The following JMJD1C variants were observed in gnomAD, a reference collection of about 807,000 sequenced individuals.
JMJD1C encodes jumonji domain-containing protein 1C.
In JMJD1C, 31 loss-of-function variants were observed where a neutral mutation model predicts 245.3. The observed-to-expected ratio is 0.13, with a 90% CI of 0.09 to 0.17. JMJD1C has a LOEUF of 0.17. JMJD1C is among the 10% of genes least tolerant of loss of function. The probability of loss-of-function intolerance (pLI) is 1.00; values close to 1 mark genes in which losing one functional copy is unlikely to be tolerated. For missense variants in JMJD1C, 2,691 were observed against 3,000.2 expected (o/e 0.90, Z 2.41); for synonymous variants, 1,057 against 1,017.4 (o/e 1.04, Z -0.74).
intron 3 of JMJD1C, among the ~76,000 whole-genome samples, chr10:63,252,172 G>T (rs1316799947): frequency 6.6e-6 from 1 of 152,146 alleles, no homozygotes; most frequent in Non-Finnish European, 1.5e-5. Context: ...TAAGTCAGAG[G>T]TACAGATTCC....
At chr10:63,508,397 T>C (rs1954783848) in intron 1 of JMJD1C, among the ~76,000 whole-genome samples, 1 of 152,216 alleles carries the variant, frequency 6.6e-6, no homozygotes, top group Non-Finnish European at 1.5e-5. Context: ...ACAGTAAGTC[T>C]TGAACTTGGG....
intron 1 of JMJD1C, among the ~76,000 whole-genome samples, chr10:63,421,161 C>T (rs1950105475): frequency 6.6e-6 from 1 of 151,966 alleles, no homozygotes; most frequent in Non-Finnish European, 1.5e-5. Flanking sequence ...ATGGTGAAAC[C>T]CCATCTCTAC....
chr10:63,220,564 A>G (rs917340858), intron 3 of JMJD1C, among the ~76,000 whole-genome samples: 7 of 152,192 alleles, frequency 4.6e-5, no homozygotes, highest in African/African-American at 1.7e-4. Flanking sequence ...TACATTATTG[A>G]TGGTATTACT....
chr10:63,474,455 T>C (rs974584239), intron 1 of JMJD1C, among the ~76,000 whole-genome samples: 2 of 150,228 alleles, frequency 1.3e-5, no homozygotes, highest in African/African-American at 4.9e-5. Context: ...TTTTTTTTTG[T>C]TTTTTTTTGA....
intron 24 of JMJD1C, among the ~76,000 whole-genome samples, chr10:63,173,101 G>A (rs1046950126): frequency 1.1e-4 from 16 of 151,906 alleles, no homozygotes; most frequent in Non-Finnish European, 4.4e-5. Context: ...GTGAGATACT[G>A]AATTTTCACC....
At chr10:63,254,057 C>A (rs933980312) in intron 3 of JMJD1C, among the ~76,000 whole-genome samples, 1 of 151,992 alleles carries the variant, frequency 6.6e-6, no homozygotes, top group Non-Finnish European at 1.5e-5. Context: ...AGTCTGAAGC[C>A]TAGAAAGACT....
chr10:63,465,272 A>G (rs964154703), intron 1 of JMJD1C: 134 of 519,842 alleles, frequency 2.6e-4, no homozygotes, highest in African/African-American at 2.4e-3. Flanking sequence ...CTCCGCGGCT[A>G]TCCCGGGAGT....
intron 2 of JMJD1C, among the ~76,000 whole-genome samples, chr10:63,283,610 A>C (rs1857648433): frequency 6.6e-6 from 1 of 151,834 alleles, no homozygotes; most frequent in African/African-American, 2.4e-5. Flanking sequence ...CAAGTGATGC[A>C]CCCACCTCGG....
intron 1 of JMJD1C, among the ~76,000 whole-genome samples, chr10:63,496,508 T>C (rs1954371859): frequency 6.6e-6 from 1 of 152,218 alleles, no homozygotes; most frequent in Non-Finnish European, 1.5e-5. Flanking sequence ...TCTGGTTTAT[T>C]TCTAAATATT....
chr10:63,374,527 AAG>A (rs1946566506), intron 2 of JMJD1C, among the ~76,000 whole-genome samples: 1 of 152,200 alleles, frequency 6.6e-6, no homozygotes, highest in Non-Finnish European at 1.5e-5. Flanking sequence ...ACAATTTGTG[AAG>A]AGTGTCAGGA....
In JMJD1C at chr10:63,465,813, C is replaced by G; in HGVS notation, c.-151G>C. ...GACTCGGGACGAACCGGCCGCTCTG[C>G]CCCGGACACAGCGACCTCGGGCCCT... is the stretch of plus-strand genomic sequence containing the variant. On this transcript the variant is annotated 5_prime_UTR_variant, in exon 1 of 26. Coordinates refer to ENST00000399262, the MANE Select transcript of JMJD1C (RefSeq NM_032776.3). 1.1e-6 allele frequency: 1 copy of G among 893,816 alleles called. No homozygotes were observed. The highest frequency in any genetic ancestry group is 1.8e-6 in the Non-Finnish European group (1 of 559,784). The allele number at this position is 893,816 out of a possible 1,614,324, so 55.4% of individuals were successfully genotyped here.
At chr10:63,414,076 T>G (rs951343427) in intron 1 of JMJD1C, among the ~76,000 whole-genome samples, 36 of 147,460 alleles carry the variant, frequency 2.4e-4, no homozygotes, top group Non-Finnish European at 3.0e-5. Flanking sequence ...AAGCCCCACC[T>G]CCTGGGTTCA....
chr10:63,344,279 T>TA (rs1363564503), intron 2 of JMJD1C, among the ~76,000 whole-genome samples: 1 of 152,178 alleles, frequency 6.6e-6, no homozygotes, highest in Non-Finnish European at 1.5e-5. Flanking sequence ...CACAAAAACT[T>TA]ACCATTGTGT....
At chr10:63,361,175 CA>C (rs1238999677) in intron 2 of JMJD1C, among the ~76,000 whole-genome samples, 1 of 152,160 alleles carries the variant, frequency 6.6e-6, no homozygotes, top group African/African-American at 2.4e-5. Context: ...GTAATCCCGG[CA>C]CTTTGGGAGG....
At chr10:63,485,303 G>C (rs1222858995) in intron 1 of JMJD1C, among the ~76,000 whole-genome samples, 2 of 151,930 alleles carry the variant, frequency 1.3e-5, no homozygotes, top group Non-Finnish European at 2.9e-5. Flanking sequence ...AATACTTACT[G>C]TGCTCTCCTC....
chr10:63,202,373 TA>T, intron 10 of JMJD1C: 1 of 985,338 alleles, frequency 1.0e-6, no homozygotes, highest in Non-Finnish European at 1.2e-6. Flanking sequence ...TAGATTTACA[TA>T]GTTTGCTATT....
chr10:63,356,436 A>C lies in JMJD1C; in HGVS notation c.333+23882T>G, dbSNP rs186642845. ...CTAGTTTACTCCAGACCCTCACTGA[A>C]GAACAAAAAAGACCTGAGAAAGCAT... On this transcript the variant is annotated intron_variant, in intron 2 of 25. Transcript: ENST00000399262. Among the ~76,000 whole-genome samples, 65 of 152,346 alleles carry C rather than the reference A, an allele frequency of 4.3e-4. No individual in the cohort carries two copies. In the South Asian group the frequency reaches 9.5e-3, roughly 22 times the overall value.
intron 1 of JMJD1C, among the ~76,000 whole-genome samples, chr10:63,420,649 C>T (rs1031312383): frequency 3.6e-5 from 5 of 139,942 alleles, no homozygotes; most frequent in Admixed American, 1.6e-4. Flanking sequence ...CACTTGAGCC[C>T]GGGAATCTGA....
At chr10:63,297,659 A>G (rs1234719375) in intron 2 of JMJD1C, among the ~76,000 whole-genome samples, 2 of 152,060 alleles carry the variant, frequency 1.3e-5, no homozygotes, top group East Asian at 3.9e-4. Flanking sequence ...CCAAAGCCAG[A>G]GCTTCCGTAA....
Sources: gnomAD v4.1 joint callset for allele counts (sites outside exome capture counted in the v4.1 genomes callset) on GRCh38, gnomAD v4.1.1 for gene constraint, MANE v1.5 for transcripts, NCBI Gene and HGNC (gene_info 2026-07-23, HGNC 2026-07-21) for gene names.